The following ANKS1B variants were observed in gnomAD, a reference collection of about 807,000 sequenced individuals.
ANKS1B encodes ankyrin repeat and sterile alpha motif domain-containing protein 1B.
A neutral mutation model predicts 148.3 loss-of-function variants in ANKS1B; 36 were observed. That is an observed-to-expected ratio of 0.24 (90% CI 0.19 to 0.32). The LOEUF (loss-of-function observed/expected upper bound fraction) is 0.32, where lower values mean the gene tolerates loss of function less well. Among genes scored for constraint, ANKS1B ranks in the 10% least tolerant of loss-of-function variants. The probability of loss-of-function intolerance (pLI) is 1.00; values close to 1 mark genes in which losing one functional copy is unlikely to be tolerated. For synonymous variants in ANKS1B, 542 were observed against 560.8 expected, an observed-to-expected ratio of 0.97 and a Z score of 0.47; for missense variants, 1,157 against 1,542.6, an observed-to-expected ratio of 0.75 and a Z score of 4.19.
At position 98,953,123 on chromosome 12, in the gene ANKS1B, C is replaced by T. The variant is rs186676117; in HGVS notation, c.2778+100034G>A. Among the ~76,000 whole-genome samples, 638 of 151,822 alleles carry T rather than the reference C, an allele frequency of 4.2e-3. 1 individual carries two copies. Among genetic ancestry groups the T allele is most frequent in the South Asian group, 0.012 (56 of 4,792 alleles). Reference sequence around the variant, plus strand: ...GCAACCTCTGCCTCCTGAGTTCAAACGATTCTCCTGCCTCAGCCTCCTGAG... The same window carrying T: ...GCAACCTCTGCCTCCTGAGTTCAAATGATTCTCCTGCCTCAGCCTCCTGAG... On this transcript the variant is annotated intron_variant, in intron 17 of 26. Coordinates refer to ENST00000683438, the MANE Select transcript of ANKS1B (RefSeq NM_001352186.2).
intron 10 of ANKS1B, among the ~76,000 whole-genome samples, chr12:99,461,544 C>T (rs1023766150): frequency 6.6e-6 from 1 of 152,066 alleles, no homozygotes; most frequent in Non-Finnish European, 1.5e-5. Context: ...AGTAGTATTC[C>T]TTCACACTCA....
At chr12:99,473,944 G>A (rs547972865) in intron 10 of ANKS1B, among the ~76,000 whole-genome samples, 1 of 152,100 alleles carries the variant, frequency 6.6e-6, no homozygotes, top group Non-Finnish European at 1.5e-5. Context: ...TTTGTCTTGT[G>A]TAAGAAATCC....
intron 14 of ANKS1B, among the ~76,000 whole-genome samples, chr12:99,217,919 T>C (rs551395243): frequency 6.6e-6 from 1 of 152,290 alleles, no homozygotes; most frequent in African/African-American, 2.4e-5. Context: ...TAGTAAGTAA[T>C]GAATCTTCAA....
chr12:99,166,281 C>A (rs2077178360), intron 14 of ANKS1B, among the ~76,000 whole-genome samples: 1 of 151,426 alleles, frequency 6.6e-6, no homozygotes, highest in Non-Finnish European at 1.5e-5. Context: ...CAGTAAGTTA[C>A]AAAAAAGAAA....
At chr12:99,545,992 G>A (rs1269664170) in intron 9 of ANKS1B, among the ~76,000 whole-genome samples, 3 of 151,974 alleles carry the variant, frequency 2.0e-5, no homozygotes, top group Non-Finnish European at 4.4e-5. Context: ...TAGGCCAGAA[G>A]AATACTGAAA....
intron 17 of ANKS1B, among the ~76,000 whole-genome samples, chr12:98,955,840 T>A (rs2099861318): frequency 6.6e-6 from 1 of 152,120 alleles, no homozygotes; most frequent in South Asian, 2.1e-4. Context: ...TTTAGACAAG[T>A]GGAGATATTG....
chr12:98,873,602 C>T (rs1438898137), intron 17 of ANKS1B, among the ~76,000 whole-genome samples: 1 of 152,126 alleles, frequency 6.6e-6, no homozygotes, highest in Non-Finnish European at 1.5e-5. Context: ...AAAGGTTATA[C>T]CCTTGTGCAG....
At chr12:99,734,496 GT>G (rs2059443187) in intron 8 of ANKS1B, among the ~76,000 whole-genome samples, 1 of 152,044 alleles carries the variant, frequency 6.6e-6, no homozygotes, top group African/African-American at 2.4e-5. Context: ...GTTTCATCAT[GT>G]TGGTCAGGCT....
chr12:99,096,829 G>A (rs919277185), intron 15 of ANKS1B, among the ~76,000 whole-genome samples: 1 of 152,130 alleles, frequency 6.6e-6, no homozygotes, highest in African/African-American at 2.4e-5. Context: ...CAAGTTAAAG[G>A]TTCTGAGTTT....
At chr12:99,876,688 C>A (rs192908888) in intron 1 of ANKS1B, among the ~76,000 whole-genome samples, 1 of 150,780 alleles carries the variant, frequency 6.6e-6, no homozygotes. Context: ...CAAGATCATG[C>A]CACTACATTC....
At chr12:99,455,926 C>A (rs1045832853) in intron 10 of ANKS1B, among the ~76,000 whole-genome samples, 17 of 152,130 alleles carry the variant, frequency 1.1e-4, no homozygotes, top group African/African-American at 7.2e-5. Flanking sequence ...AGCTGATGTG[C>A]TATTGAAAGC....
intron 11 of ANKS1B, among the ~76,000 whole-genome samples, chr12:99,436,400 A>AAAT (rs2095461354): frequency 1.3e-5 from 2 of 152,064 alleles, no homozygotes; most frequent in African/African-American, 4.8e-5. Flanking sequence ...CATGGGAATA[A>AAAT]AATACTCAAT....
intron 9 of ANKS1B, among the ~76,000 whole-genome samples, chr12:99,633,463 T>C (rs1013186146): frequency 6.6e-6 from 1 of 152,156 alleles, no homozygotes; most frequent in African/African-American, 2.4e-5. Context: ...ATCCCTTCCT[T>C]ACACCTTATA....
chr12:99,383,044 C>T (rs1281123289), intron 12 of ANKS1B, among the ~76,000 whole-genome samples: 1 of 151,874 alleles, frequency 6.6e-6, no homozygotes, highest in Non-Finnish European at 1.5e-5. Flanking sequence ...TCTGTCCTTT[C>T]CCAGAGATAC....
At chr12:99,121,321 ATGTGTGTGTGTGTGTG>A (rs57560069) in intron 15 of ANKS1B, among the ~76,000 whole-genome samples, 62 of 142,858 alleles carry the variant, frequency 4.3e-4, no homozygotes, top group Middle Eastern at 3.5e-3. Flanking sequence ...GTATGTAGGT[ATGTGTGTGTGTGTGTG>A]TGTGTGTGTG....
At chr12:99,271,662 CTATATATATATATATATA>C (rs59207203) in intron 12 of ANKS1B, among the ~76,000 whole-genome samples, 7 of 94,222 alleles carry the variant, frequency 7.4e-5, no homozygotes, top group African/African-American at 2.8e-4. Context: ...AGTCAATAAA[CTATATATATATATATATA>C]TATATATATA....
At chr12:99,096,952 C>T (rs2056383085) in intron 15 of ANKS1B, 1 of 152,166 alleles carries the variant, frequency 6.6e-6, no homozygotes, top group African/African-American at 2.4e-5. Context: ...AGGTGATAAA[C>T]AGCTATAGAA....
chr12:99,691,976 G>T (rs963205114), intron 8 of ANKS1B, among the ~76,000 whole-genome samples: 14 of 152,186 alleles, frequency 9.2e-5, no homozygotes, highest in Non-Finnish European at 4.4e-5. Flanking sequence ...TACAACTGGG[G>T]TATGGTGGGC....
intron 9 of ANKS1B, among the ~76,000 whole-genome samples, chr12:99,524,672 C>T (rs1470714717): frequency 6.6e-6 from 1 of 152,152 alleles, no homozygotes; most frequent in East Asian, 1.9e-4. Flanking sequence ...CTCACAGTCC[C>T]ATGTTGCTGG....
Sources: gnomAD v4.1 joint callset for allele counts (sites outside exome capture counted in the v4.1 genomes callset) on GRCh38, gnomAD v4.1.1 for gene constraint, MANE v1.5 for transcripts, NCBI Gene and HGNC (gene_info 2026-07-23, HGNC 2026-07-21) for gene names.